Variants in LEPR observed in about 807,000 individuals in gnomAD.
LEPR encodes the protein OB receptor.
LEPR carries 56 observed loss-of-function variants against 114.7 expected under a neutral mutation model. The ratio of observed to expected loss-of-function variants is 0.49; its 90% CI spans 0.39 to 0.61. LEPR has a LOEUF of 0.61. Ranked by LOEUF, LEPR falls within the 20% of genes least tolerant of loss-of-function variation. LEPR has a pLI of 0.00. For missense variants in LEPR, 1,202 were observed against 1,352.9 expected (o/e 0.89, Z 1.75); for synonymous variants, 443 against 461.4 (o/e 0.96, Z 0.51).
chr1:65,626,053 A>G lies in LEPR; in HGVS notation c.2673+3072A>G, dbSNP rs539198263. 2.5e-5 allele frequency: 36 copies of G among 1,423,310 alleles called. 1 individual carries two copies. Among genetic ancestry groups the G allele is most frequent in the Non-Finnish European group, 3.4e-5 (35 of 1,024,284 alleles). 88.2% of individuals were successfully genotyped at this position (1,423,310 alleles called of 1,614,324 possible). A position where few individuals can be genotyped will look rare whatever the true frequency, so the allele number is the denominator to read the frequency against. On this transcript the variant is annotated intron_variant, in intron 19 of 19. Transcript: ENST00000349533. Reference sequence around the variant, plus strand: ...TGGTTTCTCAGTGTTCAGGAGGGCCATGAAATGATCAGGCCCACATCAGCA... The same window carrying G: ...TGGTTTCTCAGTGTTCAGGAGGGCCGTGAAATGATCAGGCCCACATCAGCA...
rs557964145 is a variant in LEPR, at chr1:65,487,764, G to T, written c.-21+62386G>T. 2.0e-5 allele frequency among the ~76,000 whole-genome samples: 3 copies of T among 152,032 alleles called. No individual in the cohort carries two copies. In the East Asian group the frequency reaches 5.8e-4, roughly 29 times the overall value. On this transcript the variant is annotated intron_variant, in intron 2 of 19. Transcript: ENST00000349533. ...GGTATATATATATTTATGGGCACAT[G>T]TGATATTTTGATACAGGCTACAATG...
At chr1:65,573,410 T>C (rs1383152760) in intron 5 of LEPR, among the ~76,000 whole-genome samples, 1 of 152,210 alleles carries the variant, frequency 6.6e-6, no homozygotes, top group East Asian at 1.9e-4. Flanking sequence ...ATATTTCTTT[T>C]TCAGATGATT....
chr1:65,521,312 G>A (rs1649623587), intron 2 of LEPR, among the ~76,000 whole-genome samples: 1 of 152,212 alleles, frequency 6.6e-6, no homozygotes, highest in Admixed American at 6.5e-5. Context: ...AAAGGGTTAA[G>A]GCCTTTTGTC....
intron 2 of LEPR, among the ~76,000 whole-genome samples, chr1:65,556,774 G>C (rs1045921861): frequency 6.6e-6 from 1 of 152,100 alleles, no homozygotes; most frequent in Non-Finnish European, 1.5e-5. Flanking sequence ...TTGAGTGGTG[G>C]GGAGAGCAGT....
intron 19 of LEPR, chr1:65,635,492 T>G (rs1035273195): frequency 1.9e-6 from 1 of 527,264 alleles, no homozygotes; most frequent in African/African-American, 2.1e-5. Flanking sequence ...TGAAGTTATT[T>G]ATAAGGAATA....
chr1:65,510,490 G>A (rs765847552), intron 2 of LEPR, among the ~76,000 whole-genome samples: 17 of 152,146 alleles, frequency 1.1e-4, no homozygotes, highest in Non-Finnish European at 1.8e-4. Context: ...CTTCCCTCAC[G>A]TGGCCTTTGC....
At chr1:65,474,142 T>C (rs1216345619) in intron 2 of LEPR, among the ~76,000 whole-genome samples, 1 of 152,262 alleles carries the variant, frequency 6.6e-6, no homozygotes, top group Non-Finnish European at 1.5e-5. Context: ...ATTTTCCCTG[T>C]GCTTTTCTGT....
At chr1:65,518,878 TTTC>T (rs1470863766) in intron 2 of LEPR, among the ~76,000 whole-genome samples, 2 of 62,566 alleles carry the variant, frequency 3.2e-5, no homozygotes, top group Non-Finnish European at 8.2e-5. Context: ...TTTCTTTTTC[TTTC>T]TTTCTTTCTT....
chr1:65,599,747 T>C (rs1011268101), intron 8 of LEPR, among the ~76,000 whole-genome samples: 1 of 152,064 alleles, frequency 6.6e-6, no homozygotes, highest in Non-Finnish European at 1.5e-5. Context: ...ATGAAATAAT[T>C]AACATTGGTC....
chr1:65,570,917 G>T, intron 4 of LEPR, 115 bp downstream of exon 4: 2 of 872,254 alleles, frequency 2.3e-6, no homozygotes, highest in Admixed American at 3.7e-5. Context: ...TTTTTATATG[G>T]ATAATAAAAT....
At chr1:65,619,849 A>C in intron 16 of LEPR, 79 bp from the exon 17 acceptor site, 1 of 1,103,466 alleles carries the variant, frequency 9.1e-7, no homozygotes, top group Admixed American at 1.8e-5. Flanking sequence ...TAGTCACTTT[A>C]ATTCTTTTTT....
At chr1:65,513,540 T>C (rs1199923874) in intron 2 of LEPR, among the ~76,000 whole-genome samples, 1 of 152,228 alleles carries the variant, frequency 6.6e-6, no homozygotes, top group East Asian at 1.9e-4. Flanking sequence ...AGTTTAACCA[T>C]GAGAGTTGGC....
At chr1:65,630,180 T>G in intron 19 of LEPR, 1 of 262,606 alleles carries the variant, frequency 3.8e-6, no homozygotes, top group Non-Finnish European at 7.5e-6. Flanking sequence ...CACTGTTTAC[T>G]TATAATTTCC....
At chr1:65,542,775 C>T (rs1163280112) in intron 2 of LEPR, among the ~76,000 whole-genome samples, 2 of 151,988 alleles carry the variant, frequency 1.3e-5, no homozygotes, top group African/African-American at 4.8e-5. Flanking sequence ...CATTCATGTC[C>T]CTGCAAAGGA....
At chr1:65,425,646 AG>A (rs1646347298) in intron 2 of LEPR, among the ~76,000 whole-genome samples, 3 of 151,784 alleles carry the variant, frequency 2.0e-5, no homozygotes, top group African/African-American at 7.3e-5. Context: ...CTGTCCTCAA[AG>A]AGGAGGTAAA....
At chr1:65,427,401 C>A (rs1479894636) in intron 2 of LEPR, among the ~76,000 whole-genome samples, 2 of 151,986 alleles carry the variant, frequency 1.3e-5, no homozygotes, top group African/African-American at 4.8e-5. Context: ...AAGTGAGACC[C>A]CATTCTACAA....
rs1657641647 is a variant in LEPR at position 65,618,138 on chromosome 1, A to G, written c.2387A>G (p.Tyr796Cys). The change falls in exon 16 of 20, where the codon TAT becomes TGT. Residue 796 changes from tyrosine (Y) to cysteine (C), a missense_variant. Physicochemically the swap from Tyr to Cys is radical, Grantham distance 194 (BLOSUM62 -2). Coordinates refer to ENST00000349533, the MANE Select transcript of LEPR (RefSeq NM_002303.6). ...ATCTCTTCATCTGTTAAGAAGTATT[A>G]TATCCATGGTAAGTTTACTATACTT... ...LRISSSVKKY[Y>C]IHDHFIPIEK... is the part of the protein sequence containing the mutation. The G allele has an allele frequency of 6.2e-7, 1 of 1,605,890 alleles. No homozygotes were observed. Among genetic ancestry groups the G allele is most frequent in the Non-Finnish European group, 8.5e-7 (1 of 1,175,964 alleles).
intron 2 of LEPR, among the ~76,000 whole-genome samples, chr1:65,477,298 A>G (rs1429975019): frequency 1.3e-5 from 2 of 152,192 alleles, no homozygotes; most frequent in Non-Finnish European, 2.9e-5. Flanking sequence ...CCACTTCCAC[A>G]TACATACTAG....
At chr1:65,546,432 A>G (rs1470529035) in intron 2 of LEPR, among the ~76,000 whole-genome samples, 2 of 152,052 alleles carry the variant, frequency 1.3e-5, no homozygotes, top group South Asian at 4.2e-4. Context: ...GATTCTTCCT[A>G]CCCATGAGCA....
Sources: gnomAD v4.1 joint callset for allele counts (sites outside exome capture counted in the v4.1 genomes callset) on GRCh38, gnomAD v4.1.1 for gene constraint, MANE v1.5 for transcripts, NCBI Gene and HGNC (gene_info 2026-07-23, HGNC 2026-07-21) for gene names.